Variants in CTNNA3 observed in about 807,000 individuals in gnomAD.
CTNNA3 encodes catenin alpha 3.
A neutral mutation model predicts 95.7 loss-of-function variants in CTNNA3; 76 were observed. That is an observed-to-expected ratio of 0.79 (90% CI 0.66 to 0.96). CTNNA3 has a LOEUF of 0.96. CTNNA3 is among the 40% of genes least tolerant of loss of function. CTNNA3 has a pLI of 0.00. For synonymous variants in CTNNA3, 431 were observed against 374.4 expected (o/e 1.15, Z -1.74); for missense variants, 1,191 against 1,089.8 (o/e 1.09, Z -1.31).
chr10:67,434,895 C>T (rs919290199), intron 5 of CTNNA3, among the ~76,000 whole-genome samples: 2 of 151,934 alleles, frequency 1.3e-5, no homozygotes, highest in Admixed American at 1.3e-4. Flanking sequence ...AACCCACATT[C>T]CCTCTATCTT....
At chr10:66,407,580 T>C (rs1012164235) in intron 11 of CTNNA3, among the ~76,000 whole-genome samples, 3 of 133,446 alleles carry the variant, frequency 2.2e-5, no homozygotes, top group Non-Finnish European at 4.6e-5. Context: ...TTCACAACTT[T>C]TACATATTTT....
At chr10:67,113,555 CAA>C (rs1859013590) in intron 7 of CTNNA3, among the ~76,000 whole-genome samples, 1 of 152,090 alleles carries the variant, frequency 6.6e-6, no homozygotes, top group Non-Finnish European at 1.5e-5. Flanking sequence ...GGTTTATTTT[CAA>C]AAGAGTCAGC....
At chr10:66,602,159 A>C (rs1843950954) in intron 10 of CTNNA3, among the ~76,000 whole-genome samples, 1 of 151,822 alleles carries the variant, frequency 6.6e-6, no homozygotes, top group African/African-American at 2.4e-5. Flanking sequence ...AGTTCTTAGG[A>C]TCTATGGGCA....
intron 12 of CTNNA3, among the ~76,000 whole-genome samples, chr10:66,322,106 G>A (rs112371562): frequency 2.0e-5 from 3 of 152,188 alleles, no homozygotes; most frequent in Non-Finnish European, 2.9e-5. Context: ...AGAGGATTTC[G>A]AATCTTTTTC....
At chr10:67,680,061 A>G (rs1172232015) in intron 1 of CTNNA3, among the ~76,000 whole-genome samples, 2 of 152,244 alleles carry the variant, frequency 1.3e-5, no homozygotes, top group East Asian at 1.9e-4. Context: ...TAAAAAATAT[A>G]TAGAATCTAA....
At chr10:66,995,008 G>A (rs1340423895) in intron 7 of CTNNA3, among the ~76,000 whole-genome samples, 4 of 152,246 alleles carry the variant, frequency 2.6e-5, no homozygotes, top group African/African-American at 7.2e-5. Context: ...ATTTCCCAGA[G>A]TTCATGCCTT....
At chr10:66,106,295 A>G (rs1360933147) in intron 13 of CTNNA3, among the ~76,000 whole-genome samples, 1 of 150,352 alleles carries the variant, frequency 6.7e-6, no homozygotes, top group Admixed American at 6.6e-5. Flanking sequence ...GTCTGCTTCT[A>G]CCTATCTGGT....
At chr10:67,116,242 C>A (rs1331388077) in intron 7 of CTNNA3, among the ~76,000 whole-genome samples, 1 of 151,968 alleles carries the variant, frequency 6.6e-6, no homozygotes, top group Non-Finnish European at 1.5e-5. Context: ...ACATAATGCA[C>A]CTCAAAGGCA....
At chr10:66,852,997 AC>A (rs1370157890) in intron 7 of CTNNA3, among the ~76,000 whole-genome samples, 1 of 152,140 alleles carries the variant, frequency 6.6e-6, no homozygotes, top group Non-Finnish European at 1.5e-5. Context: ...ATTATGTTTG[AC>A]CATGTCTGGC....
At chr10:66,510,058 T>G (rs1840601900) in intron 11 of CTNNA3, among the ~76,000 whole-genome samples, 1 of 151,934 alleles carries the variant, frequency 6.6e-6, no homozygotes, top group Non-Finnish European at 1.5e-5. Context: ...TTTCTTTTTA[T>G]CCTCTTCTAT....
chr10:67,745,946 T>C (rs1264008302), intron 1 of CTNNA3, among the ~76,000 whole-genome samples: 2 of 152,168 alleles, frequency 1.3e-5, no homozygotes, highest in Non-Finnish European at 2.9e-5. Context: ...AATAGAAAGA[T>C]ATTCCATGTT....
At chr10:66,584,254 T>G (rs1843287587) in intron 10 of CTNNA3, among the ~76,000 whole-genome samples, 1 of 151,892 alleles carries the variant, frequency 6.6e-6, no homozygotes, top group Non-Finnish European at 1.5e-5. Context: ...GCTTTGATGA[T>G]CTCTCTAGTG....
At chr10:65,923,544 G>T (rs1241700773) in intron 17 of CTNNA3, among the ~76,000 whole-genome samples, 1 of 152,148 alleles carries the variant, frequency 6.6e-6, no homozygotes, top group East Asian at 1.9e-4. Context: ...AAACAGCCAG[G>T]GTGGCTTCAC....
At chr10:66,234,129 G>A (rs72797267) in intron 13 of CTNNA3, among the ~76,000 whole-genome samples, 17,529 of 151,986 alleles carry the variant, frequency 0.12, 1,079 homozygotes, top group Middle Eastern at 0.18. Context: ...TATTTCTTGT[G>A]GTACTGATAA....
chr10:66,340,651 T>A (rs1435625662), intron 12 of CTNNA3, among the ~76,000 whole-genome samples: 1 of 151,834 alleles, frequency 6.6e-6, no homozygotes, highest in African/African-American at 2.4e-5. Flanking sequence ...TTTCAATACA[T>A]GAAATATTAT....
At chr10:66,419,311 A>G (rs896850251) in intron 11 of CTNNA3, among the ~76,000 whole-genome samples, 4 of 152,126 alleles carry the variant, frequency 2.6e-5, no homozygotes, top group Non-Finnish European at 5.9e-5. Flanking sequence ...AGCTACCAAA[A>G]AAATTACATA....
rs1252480388 is a variant in CTNNA3, at chr10:66,650,944, C to G, written c.1282-29160G>C. ...CCCCAACACGTTGCCACCGCTGGCT[C>G]GGGCAGCCTCCTTTTATTCCCTTAT... On this transcript the variant is annotated intron_variant, in intron 9 of 17. Transcript: ENST00000433211. 5.3e-5 allele frequency among the ~76,000 whole-genome samples: 8 copies of G among 152,150 alleles called. No homozygotes were observed. The East Asian group carries it at 1.4e-3, about 26-fold the overall frequency.
intron 1 of CTNNA3, among the ~76,000 whole-genome samples, chr10:67,732,325 G>A (rs1037586536): frequency 1.3e-5 from 2 of 151,980 alleles, no homozygotes; most frequent in Admixed American, 1.3e-4. Context: ...TGCATATATA[G>A]ATATGTATTC....
chr10:67,202,494 C>T (rs556533202), intron 6 of CTNNA3, among the ~76,000 whole-genome samples: 1 of 152,256 alleles, frequency 6.6e-6, no homozygotes, highest in South Asian at 2.1e-4. Context: ...ACTTACTACC[C>T]TCCATCTCTT....
Sources: gnomAD v4.1 joint callset for allele counts (sites outside exome capture counted in the v4.1 genomes callset) on GRCh38, gnomAD v4.1.1 for gene constraint, MANE v1.5 for transcripts, NCBI Gene and HGNC (gene_info 2026-07-23, HGNC 2026-07-21) for gene names.